The following CRB2 variants were observed in gnomAD, a reference collection of about 807,000 sequenced individuals.
CRB2 encodes the protein crumbs cell polarity complex component 2.
In CRB2, 85 loss-of-function variants were observed where a neutral mutation model predicts 110.9. That is an observed-to-expected ratio of 0.77 (90% CI 0.64 to 0.92). The LOEUF is 0.92. CRB2 is among the 40% of genes least tolerant of loss of function. The probability of loss-of-function intolerance (pLI) is 0.00; values close to 1 mark genes in which losing one functional copy is unlikely to be tolerated. For synonymous variants in CRB2, 907 were observed against 831.0 expected, an observed-to-expected ratio of 1.09 and a Z score of -1.57; for missense variants, 1,843 against 1,851.3, an observed-to-expected ratio of 1.00 and a Z score of 0.08.
At chr9:123,379,405 G>A (rs560180754), downstream of CRB2, among the ~76,000 whole-genome samples, 144 of 152,338 alleles carry the variant, frequency 9.5e-4, no homozygotes, top group Middle Eastern at 3.4e-3. Context: ...CCTGCAGTCT[G>A]CCCCATGGCC....
upstream of CRB2, among the ~76,000 whole-genome samples, chr9:123,355,704 A>C: frequency 9.4e-6 from 1 of 106,278 alleles, no homozygotes; most frequent in Non-Finnish European, 1.9e-5. Flanking sequence ...CTTGGCTCCG[A>C]TGGGAGCACT....
Position 123,373,562 on chromosome 9 carries a change from A to G in CRB2, c.3031A>G (p.Thr1011Ala). The G allele has an allele frequency of 1.4e-6, 2 of 1,472,150 alleles. No homozygotes were observed. The highest frequency in any genetic ancestry group is 1.3e-5 in the South Asian group (1 of 75,474). The allele number at this position is 1,472,150 out of a possible 1,614,324, so 91.2% of individuals were successfully genotyped here. The change falls in exon 10 of 13, where the codon ACC (threonine) becomes GCC (alanine). Residue 1011 changes from threonine (T) to alanine (A), a missense_variant. Thr to Ala is a moderately conservative substitution (Grantham distance 58). Coordinates refer to ENST00000373631, the MANE Select transcript of CRB2 (RefSeq NM_173689.7). Reference sequence around the variant, plus strand: ...GCGCATCCTGCTGGCTGAGAACTTCACCGGCTGCTTGGGCCGCGTGGCGCT... The same window carrying G: ...GCGCATCCTGCTGGCTGAGAACTTCGCCGGCTGCTTGGGCCGCGTGGCGCT... ...AVRILLAENF[T>A]GCLGRVALGG...
intron 10 of CRB2, 160 bp downstream of exon 10, chr9:123,374,080 TAAA>T: frequency 2.0e-6 from 2 of 1,017,308 alleles, no homozygotes; most frequent in Non-Finnish European, 3.0e-6. Flanking sequence ...AATTTCCTGA[TAAA>T]ATACAGATCA....
rs1275731694 is a variant in CRB2, at chr9:123,373,669, G to A, written c.3138G>A (p.Gly1046=). 3 of 1,443,108 alleles carry A rather than the reference G, an allele frequency of 2.1e-6. No homozygotes were observed. Among genetic ancestry groups the A allele is most frequent in the Non-Finnish European group, 2.7e-6 (3 of 1,106,680 alleles). The allele number at this position is 1,443,108 out of a possible 1,614,324, so 89.4% of individuals were successfully genotyped here. A position where few individuals can be genotyped will look rare whatever the true frequency, so the allele number is the denominator to read the frequency against. ...GAGAGCACTTCGCGTCTTGGCCTGGGACGCCGGCCCCGATCCTCGGCTGCC... is the reference window on the plus strand; with the variant it reads ...GAGAGCACTTCGCGTCTTGGCCTGGAACGCCGGCCCCGATCCTCGGCTGCC... ...GAREHFASWP[G]TPAPILGCRG... Residue 1046 remains glycine, a synonymous_variant, in exon 10 of 13, where the codon GGG becomes GGA. Transcript: ENST00000373631.
rs11999528 is a variant in CRB2, at chr9:123,362,805, G to A, written c.95-60G>A. On this transcript the variant is annotated intron_variant, in intron 1 of 12. Coordinates refer to ENST00000373631, the MANE Select transcript of CRB2 (RefSeq NM_173689.7). ...GTCTGGGGTGGGCCTGAGAGGGTGG[G>A]GAGGAGATTGTCCTTGTAACCTCTG... 4.1e-4 allele frequency: 614 copies of A among 1,489,462 alleles called. 2 individuals are homozygous for A. The African/African-American group carries it at 8.1e-3, about 20-fold the overall frequency. 92.3% of individuals were successfully genotyped at this position (1,489,462 alleles called of 1,614,324 possible). A position where few individuals can be genotyped will look rare whatever the true frequency, so the allele number is the denominator to read the frequency against.
chr9:123,361,132 CGGGGAGG>C (rs1211468108), intron 1 of CRB2, among the ~76,000 whole-genome samples: 2 of 65,998 alleles, frequency 3.0e-5, no homozygotes, highest in Admixed American at 1.6e-4. Flanking sequence ...ATTGGATGGG[CGGGGAGG>C]GGGGGGGGTT....
intron 1 of CRB2, among the ~76,000 whole-genome samples, chr9:123,357,718 T>C (rs2041816580): frequency 6.6e-6 from 1 of 152,182 alleles, no homozygotes; most frequent in Admixed American, 6.5e-5. Context: ...CCCTGCCCTG[T>C]GATGCTCACA....
At chr9:123,379,751 A>G (rs2042182436), downstream of CRB2, 1 of 152,306 alleles carries the variant, frequency 6.6e-6, no homozygotes, top group Non-Finnish European at 1.5e-5. Context: ...TCATGTGAAC[A>G]TGGAGCGCTC....
rs201651061 is a variant in CRB2, at chr9:123,363,196, C to T, written c.418+8C>T. On this transcript the variant is annotated splice_region_variant and intron_variant, in intron 2 of 12. Coordinates refer to ENST00000373631, the MANE Select transcript of CRB2 (RefSeq NM_173689.7). Reference sequence around the variant, plus strand: ...GCCCCCTTGGCTATGCAGGTAACAGCCTGGGCCGCCCTGGGAGGAGGTCTG... The same window carrying T: ...GCCCCCTTGGCTATGCAGGTAACAGTCTGGGCCGCCCTGGGAGGAGGTCTG... 1,272 of 1,590,264 alleles carry T rather than the reference C, an allele frequency of 8.0e-4. 3 individuals are homozygous for T. The highest frequency in any genetic ancestry group is 8.7e-4 in the Non-Finnish European group (1,013 of 1,167,264).
intron 2 of CRB2, among the ~76,000 whole-genome samples, chr9:123,363,600 C>T (rs1280892206): frequency 6.6e-6 from 1 of 152,246 alleles, no homozygotes; most frequent in East Asian, 1.9e-4. Context: ...ACGACAGTCA[C>T]CATCAGCTCA....
Position 123,371,436 on chromosome 9 carries a change from GCTGCCTCCAGGAC to G in CRB2, c.2299_2311del (p.Leu767AspfsTer370). The stretch of plus-strand genomic sequence containing the variant: ...CAGCCCTGGGGTGGGCCCTTCCGAG[GCTGCCTCCAGGAC>G]CTGCGACTCGATGGCTGCCACCTCC... On this transcript the variant is annotated frameshift_variant, in exon 8 of 13. Transcript: ENST00000373631. LOFTEE classifies it high-confidence loss of function. The G allele has an allele frequency of 1.9e-6, 3 of 1,612,782 alleles. No homozygotes were observed. Among genetic ancestry groups the G allele is most frequent in the Non-Finnish European group, 2.5e-6 (3 of 1,179,946 alleles).
In CRB2 at chr9:123,373,957, C is replaced by A. The variant is rs1430711096; in HGVS notation, c.3389+37C>A. 2.6e-6 allele frequency: 4 copies of A among 1,549,974 alleles called. 1 individual carries two copies. The highest frequency in any genetic ancestry group is 3.4e-4 in the Middle Eastern group (2 of 5,930). ...GGGCAGGGGGGTGGGCTGCGAATGCCCCCTGGGGCTATGGTGGGGCAGAGA... is the reference window on the plus strand; with the variant it reads ...GGGCAGGGGGGTGGGCTGCGAATGCACCCTGGGGCTATGGTGGGGCAGAGA... On this transcript the variant is annotated intron_variant, in intron 10 of 12. Coordinates refer to ENST00000373631, the MANE Select transcript of CRB2 (RefSeq NM_173689.7).
upstream of CRB2, among the ~76,000 whole-genome samples, chr9:123,355,571 G>C (rs1050912871): frequency 1.3e-5 from 2 of 150,514 alleles, no homozygotes; most frequent in African/African-American, 2.5e-5. Context: ...GTGTGTGGTC[G>C]GGTGGGACGG....
intron 2 of CRB2, 123 bp downstream of exon 2, chr9:123,363,311 C>A: frequency 9.6e-7 from 1 of 1,046,154 alleles, no homozygotes; most frequent in South Asian, 1.6e-5. Context: ...ATCCGGGCAG[C>A]TCTAGGGTAT....
chr9:123,374,980 C>T (rs191711714), intron 11 of CRB2, among the ~76,000 whole-genome samples: 3 of 152,332 alleles, frequency 2.0e-5, no homozygotes, highest in Non-Finnish European at 2.9e-5. Flanking sequence ...GTGGCGTCAG[C>T]GTCTGGGGCA....
chr9:123,375,027 TGA>T (rs1432955492), intron 11 of CRB2, among the ~76,000 whole-genome samples, 188 bp from the exon 12 acceptor site: 2 of 152,132 alleles, frequency 1.3e-5, no homozygotes, highest in African/African-American at 4.8e-5. Flanking sequence ...CCTAATGGGA[TGA>T]GAGTCCTTCT....
intron 1 of CRB2, among the ~76,000 whole-genome samples, chr9:123,359,086 C>G (rs1432618139): frequency 3.9e-5 from 6 of 152,206 alleles, no homozygotes; most frequent in African/African-American, 9.7e-5. Context: ...TGCTCCGTCC[C>G]TGACAGCTAT....
intron 1 of CRB2, among the ~76,000 whole-genome samples, chr9:123,357,493 C>G (rs2041813336): frequency 6.6e-6 from 1 of 152,122 alleles, no homozygotes; most frequent in Non-Finnish European, 1.5e-5. Context: ...TTCCTATCCT[C>G]TCTATGGGGC....
chr9:123,367,031 G>T (rs1564371644), intron 4 of CRB2, 141 bp from the exon 5 acceptor site: 9 of 767,342 alleles, frequency 1.2e-5, no homozygotes, highest in Middle Eastern at 5.4e-4. Context: ...CATTCCTGCG[G>T]CCCTTAGTGT....
Sources: gnomAD v4.1 joint callset for allele counts (sites outside exome capture counted in the v4.1 genomes callset) on GRCh38, gnomAD v4.1.1 for gene constraint, MANE v1.5 for transcripts, NCBI Gene and HGNC (gene_info 2026-07-23, HGNC 2026-07-21) for gene names.